GLI2: variants seen among roughly 807,000 people sequenced by gnomAD.
GLI2 encodes GLI family zinc finger 2, also known as transcription activator GLI2.
Under a neutral mutation model 78.9 loss-of-function variants are expected in GLI2, and 22 were observed. The ratio of observed to expected loss-of-function variants is 0.28; its 90% CI spans 0.20 to 0.40. The LOEUF (loss-of-function observed/expected upper bound fraction) is 0.40. Among genes scored for constraint, GLI2 ranks in the 10% least tolerant of loss-of-function variants. The pLI, the probability that GLI2 is intolerant of heterozygous loss-of-function variation, is 1.00. For missense variants in GLI2, 2,097 were observed against 2,213.2 expected (o/e 0.95, Z 1.05); for synonymous variants, 974 against 963.7 (o/e 1.01, Z -0.20).
At chr2:120,795,390 G>A (rs1438023420) in intron 1 of GLI2, among the ~76,000 whole-genome samples, 1 of 151,760 alleles carries the variant, frequency 6.6e-6, no homozygotes, top group Non-Finnish European at 1.5e-5. Flanking sequence ...GAGTGTGATG[G>A]CGCATGCCTG....
rs142915558 is a variant in GLI2 at position 120,939,021 on chromosome 2, C to A, written c.254+11555C>A. Among the ~76,000 whole-genome samples, 789 of 152,352 alleles carry A rather than the reference C, an allele frequency of 5.2e-3. 6 individuals carry two copies. Among genetic ancestry groups the A allele is most frequent in the African/African-American group, 0.017 (722 of 41,578 alleles). ...AAGTGGCCAGGTGTGGTGGCTTACG[C>A]CTATAATCCCAGCACTTTGGGAGGC... On this transcript the variant is annotated intron_variant, in intron 3 of 13. Transcript: ENST00000361492.
At chr2:120,890,802 A>G (rs560634791) in intron 2 of GLI2, among the ~76,000 whole-genome samples, 2 of 152,290 alleles carry the variant, frequency 1.3e-5, no homozygotes, top group South Asian at 2.1e-4. Context: ...CGGGACATCT[A>G]TGCTTACCTG....
intron 2 of GLI2, among the ~76,000 whole-genome samples, chr2:120,887,886 G>A (rs894444323): frequency 1.3e-5 from 2 of 152,198 alleles, no homozygotes; most frequent in Non-Finnish European, 1.5e-5. Context: ...TATGACAGGC[G>A]CTAAGAAGCT....
Position 120,927,452 on chromosome 2 carries a change from C to T in GLI2, c.240C>T (p.Val80=). Reference sequence around the variant, plus strand: ...GGTACCATTACGAGCCTCATTCTGTCCACGGTGTGCACGGGTAAGTCCTGC... The same window carrying T: ...GGTACCATTACGAGCCTCATTCTGTTCACGGTGTGCACGGGTAAGTCCTGC... ...EGRYHYEPHS[V]HGVHGPPALS... The change falls in exon 3 of 14, where the codon GTC becomes GTT. Residue 80 remains valine (V), a synonymous_variant. Transcript: ENST00000361492. 1 of 1,611,202 alleles carries T rather than the reference C, an allele frequency of 6.2e-7. No individual in the cohort carries two copies. Among genetic ancestry groups the T allele is most frequent in the Non-Finnish European group, 8.5e-7 (1 of 1,177,286 alleles).
Position 120,989,164 on chromosome 2 carries a change from C to G in GLI2, c.3199C>G (p.Gln1067Glu), listed in dbSNP as rs907053242. The G allele has an allele frequency of 3.1e-6, 5 of 1,613,190 alleles. No individual in the cohort carries two copies. Among genetic ancestry groups the G allele is most frequent in the Non-Finnish European group, 4.2e-6 (5 of 1,180,000 alleles). Reference sequence around the variant, plus strand: ...TGGCGCTCTGGACGAGGGCACCGGGCAGGTGTATCCCACGGAAAGCACTGG... The same window carrying G: ...TGGCGCTCTGGACGAGGGCACCGGGGAGGTGTATCCCACGGAAAGCACTGG... ...ASGALDEGTG[Q>E]VYPTESTGFS... Residue 1067 changes from glutamine to glutamate, a missense_variant, in exon 14 of 14, where the codon CAG (glutamine) becomes GAG (glutamate). Gln to Glu is a conservative substitution (Grantham distance 29). Transcript: ENST00000361492.
intron 1 of GLI2, among the ~76,000 whole-genome samples, chr2:120,740,173 A>C (rs1682486790): frequency 6.6e-6 from 1 of 152,210 alleles, no homozygotes; most frequent in Non-Finnish European, 1.5e-5. Context: ...TAACCCACAA[A>C]ACTGTATTTA....
intron 1 of GLI2, among the ~76,000 whole-genome samples, chr2:120,762,679 T>C (rs1683249747): frequency 6.6e-6 from 1 of 151,952 alleles, no homozygotes. Context: ...CTGCAGCTAG[T>C]GTAGGCTCAG....
intron 2 of GLI2, among the ~76,000 whole-genome samples, chr2:120,854,714 C>T (rs1428208289): frequency 1.3e-5 from 2 of 152,322 alleles, no homozygotes; most frequent in South Asian, 2.1e-4. Context: ...CTTGAGTGCT[C>T]GCTGTTTGCC....
At chr2:120,766,658 C>T (rs1358062684) in intron 1 of GLI2, among the ~76,000 whole-genome samples, 11 of 152,186 alleles carry the variant, frequency 7.2e-5, no homozygotes, top group East Asian at 1.9e-4. Flanking sequence ...CATCCTGGCT[C>T]TTCTGTTTAA....
chr2:120,895,020 C>T (rs1450924861), intron 2 of GLI2, among the ~76,000 whole-genome samples: 2 of 152,114 alleles, frequency 1.3e-5, no homozygotes, highest in Non-Finnish European at 2.9e-5. Flanking sequence ...TTTCTAGTGC[C>T]TCAATGGGTG....
intron 1 of GLI2, among the ~76,000 whole-genome samples, chr2:120,740,948 A>C (rs1419771149): frequency 2.0e-5 from 3 of 152,210 alleles, no homozygotes; most frequent in African/African-American, 7.2e-5. Flanking sequence ...GCACGGGCGC[A>C]GCCCTGCACT....
intron 2 of GLI2, among the ~76,000 whole-genome samples, chr2:120,903,618 C>T (rs1678370247): frequency 6.6e-6 from 1 of 152,222 alleles, no homozygotes; most frequent in African/African-American, 2.4e-5. Context: ...TCAGACTTAG[C>T]TCGCTGGTCC....
intron 1 of GLI2, among the ~76,000 whole-genome samples, chr2:120,757,592 T>C (rs1209726677): frequency 1.3e-5 from 2 of 152,252 alleles, no homozygotes; most frequent in African/African-American, 4.8e-5. Context: ...CAGTATGTGC[T>C]GATTCTATTC....
chr2:120,912,979 C>A (rs922424358), intron 2 of GLI2, among the ~76,000 whole-genome samples: 92 of 151,920 alleles, frequency 6.1e-4, no homozygotes, highest in African/African-American at 2.0e-3. Context: ...ATTCTGGGAA[C>A]GTTTGTGAGT....
intron 1 of GLI2, among the ~76,000 whole-genome samples, chr2:120,780,495 GT>G (rs1683811806): frequency 6.6e-6 from 1 of 152,234 alleles, no homozygotes. Flanking sequence ...ACCTGTGGGA[GT>G]TTTTCCAGCA....
intron 5 of GLI2, among the ~76,000 whole-genome samples, chr2:120,965,986 A>G (rs980417169): frequency 3.9e-5 from 6 of 152,210 alleles, no homozygotes; most frequent in Non-Finnish European, 8.8e-5. Context: ...TCTGCTTACT[A>G]AAATATCTGT....
intron 2 of GLI2, chr2:120,867,146 C>G (rs1688178188): frequency 6.6e-6 from 1 of 152,316 alleles, no homozygotes; most frequent in Admixed American, 6.5e-5. Context: ...CCCTAAGATC[C>G]CACCCAGCTT....
At chr2:120,788,852 C>G (rs963803717) in intron 1 of GLI2, among the ~76,000 whole-genome samples, 1 of 152,078 alleles carries the variant, frequency 6.6e-6, no homozygotes, top group Non-Finnish European at 1.5e-5. Flanking sequence ...TGGGCTGCAT[C>G]CCCTGAAAGA....
At chr2:120,916,091 G>T (rs2104829469) in intron 2 of GLI2, among the ~76,000 whole-genome samples, 1 of 152,338 alleles carries the variant, frequency 6.6e-6, no homozygotes, top group South Asian at 2.1e-4. Flanking sequence ...CCCTGGAGCA[G>T]CAGCATCTGC....
Sources: allele counts gnomAD v4.1 joint callset (sites outside exome capture counted in the v4.1 genomes callset), GRCh38; gene constraint gnomAD v4.1.1; transcripts MANE v1.5; gene names NCBI Gene and HGNC (gene_info 2026-07-23, HGNC 2026-07-21).